The following AKAP6 variants were observed in gnomAD, a reference collection of about 807,000 sequenced individuals.
The protein encoded by AKAP6 is A-kinase anchor protein 6.
A neutral mutation model predicts 188.5 loss-of-function variants in AKAP6; 58 were observed. The observed-to-expected ratio is 0.31, with a 90% CI of 0.25 to 0.38. The LOEUF (loss-of-function observed/expected upper bound fraction) is 0.38. Among genes scored for constraint, AKAP6 ranks in the 10% least tolerant of loss-of-function variants. The pLI, the probability that AKAP6 is intolerant of heterozygous loss-of-function variation, is 1.00. For synonymous variants in AKAP6, 989 were observed against 998.6 expected, an observed-to-expected ratio of 0.99 and a Z score of 0.18; for missense variants, 2,710 against 2,740.0, an observed-to-expected ratio of 0.99 and a Z score of 0.24.
chr14:32,633,672 G>C (rs1330024765), intron 7 of AKAP6, among the ~76,000 whole-genome samples: 3 of 152,094 alleles, frequency 2.0e-5, no homozygotes, highest in African/African-American at 7.2e-5. Context: ...AATGAAGACA[G>C]ATAGAGAAAA....
chr14:32,367,528 A>G (rs1232781362), intron 1 of AKAP6, among the ~76,000 whole-genome samples: 2 of 152,226 alleles, frequency 1.3e-5, no homozygotes, highest in South Asian at 2.1e-4. Flanking sequence ...GTTATTATCA[A>G]AAGTTGACTA....
In AKAP6 at chr14:32,698,393, A is replaced by G. The variant is rs192583825; in HGVS notation, c.3000+2283A>G. ...ACCCCTGAAGGAGTAAAGCTTTTCA[A>G]TTGGTGCCCAGGCCTTGCCAGGTTT... On this transcript the variant is annotated intron_variant, in intron 9 of 13. Transcript: ENST00000280979. Among the ~76,000 whole-genome samples the G allele has an allele frequency of 1.7e-3, 259 of 152,264 alleles. 1 individual carries two copies. Among genetic ancestry groups the G allele is most frequent in the Non-Finnish European group, 2.8e-3 (193 of 67,992 alleles).
At position 32,830,670 on chromosome 14, in the gene AKAP6, A is replaced by G. The variant is rs993607626; in HGVS notation, c.*865A>G. The G allele has an allele frequency of 5.2e-5, 8 of 152,674 alleles. No individual in the cohort carries two copies. The highest frequency in any genetic ancestry group is 1.2e-4 in the Non-Finnish European group (8 of 68,036). 9.5% of individuals were successfully genotyped at this position (152,674 alleles called of 1,614,324 possible). A position where few individuals can be genotyped will look rare whatever the true frequency, so the allele number is the denominator to read the frequency against. ...TAATTTCTGTATATATGTATAACCAAGTACAAACATTGATGTATAATGACA... is the reference window on the plus strand; with the variant it reads ...TAATTTCTGTATATATGTATAACCAGGTACAAACATTGATGTATAATGACA... On this transcript the variant is annotated 3_prime_UTR_variant, in exon 14 of 14. Transcript: ENST00000280979.
intron 9 of AKAP6, among the ~76,000 whole-genome samples, chr14:32,712,711 ACT>A (rs2029956855): frequency 6.6e-6 from 1 of 151,786 alleles, no homozygotes; most frequent in Admixed American, 6.6e-5. Context: ...GATTGCAGCA[ACT>A]CTGTCACATC....
intron 2 of AKAP6, among the ~76,000 whole-genome samples, chr14:32,468,361 T>C (rs7159903): frequency 0.07 from 10,704 of 152,220 alleles, 409 homozygotes; most frequent in African/African-American, 0.089. Context: ...TGACTTGCTT[T>C]CTATATCTGT....
At chr14:32,665,436 A>T (rs1184080448) in intron 7 of AKAP6, among the ~76,000 whole-genome samples, 1 of 152,170 alleles carries the variant, frequency 6.6e-6, no homozygotes, top group African/African-American at 2.4e-5. Flanking sequence ...ATTGTAAAGG[A>T]TACAGATGAA....
At chr14:32,656,493 A>T (rs79986897) in intron 7 of AKAP6, among the ~76,000 whole-genome samples, 37 of 152,214 alleles carry the variant, frequency 2.4e-4, no homozygotes, top group African/African-American at 8.4e-4. Flanking sequence ...GCCAAAACTG[A>T]CTCACCTGGG....
chr14:32,648,868 CA>C (rs1254068279), intron 7 of AKAP6, among the ~76,000 whole-genome samples: 3 of 151,902 alleles, frequency 2.0e-5, no homozygotes, highest in Admixed American at 6.6e-5. Flanking sequence ...ACTGAAAAAG[CA>C]AATAACTAAA....
chr14:32,609,880 G>GACACACAC (rs71115085), intron 7 of AKAP6, among the ~76,000 whole-genome samples: 104 of 137,426 alleles, frequency 7.6e-4, no homozygotes, highest in Middle Eastern at 3.8e-3. Context: ...CTCTCTCTCT[G>GACACACAC]ACACACACAC....
intron 2 of AKAP6, among the ~76,000 whole-genome samples, chr14:32,517,580 C>T (rs539031832): frequency 7.9e-5 from 12 of 152,294 alleles, no homozygotes; most frequent in Admixed American, 3.9e-4. Flanking sequence ...CCTATGCCCA[C>T]GGAGCCTCGC....
At chr14:32,692,846 T>C (rs887253245) in intron 8 of AKAP6, among the ~76,000 whole-genome samples, 7 of 152,118 alleles carry the variant, frequency 4.6e-5, no homozygotes, top group Non-Finnish European at 1.0e-4. Flanking sequence ...GTCTTGCCAA[T>C]TGATCATTTT....
At chr14:32,672,456 C>T (rs1889248254) in intron 7 of AKAP6, among the ~76,000 whole-genome samples, 1 of 152,268 alleles carries the variant, frequency 6.6e-6, no homozygotes, top group South Asian at 2.1e-4. Context: ...AAGCCTCTCT[C>T]CTTGGCTCAC....
intron 5 of AKAP6, 59 bp downstream of exon 5, chr14:32,577,301 G>A (rs1003833422): frequency 1.3e-6 from 2 of 1,565,768 alleles, no homozygotes; most frequent in Non-Finnish European, 1.7e-6. Flanking sequence ...TGTACTGCTT[G>A]TTTGTTTATG....
At chr14:32,799,848 G>T (rs1037052296) in intron 12 of AKAP6, among the ~76,000 whole-genome samples, 13 of 151,852 alleles carry the variant, frequency 8.6e-5, no homozygotes, top group Non-Finnish European at 1.6e-4. Context: ...ATGCTGTTCA[G>T]TTCAACTATG....
intron 12 of AKAP6, among the ~76,000 whole-genome samples, chr14:32,815,617 G>A (rs1196906339): frequency 1.3e-5 from 2 of 152,128 alleles, no homozygotes; most frequent in African/African-American, 4.8e-5. Context: ...CCTAATCAAT[G>A]TTTCTTTCTT....
In AKAP6 at chr14:32,832,988, T is replaced by C. The variant is rs1594998956; in HGVS notation, c.*3183T>C. ...AGAATCTGAACATTTAAGTGCGAAGTTTTCTCTAGAAATATATTCAAGATA... is the reference window on the plus strand; with the variant it reads ...AGAATCTGAACATTTAAGTGCGAAGCTTTCTCTAGAAATATATTCAAGATA... On this transcript the variant is annotated 3_prime_UTR_variant, in exon 14 of 14. Transcript: ENST00000280979. 1 of 152,730 alleles carries C rather than the reference T, an allele frequency of 6.5e-6. No individual in the cohort carries two copies. Among genetic ancestry groups the C allele is most frequent in the Non-Finnish European group, 1.5e-5 (1 of 68,026 alleles). 9.5% of individuals were successfully genotyped at this position (152,730 alleles called of 1,614,324 possible).
chr14:32,705,010 A>G (rs1890755212), intron 9 of AKAP6, among the ~76,000 whole-genome samples: 1 of 152,192 alleles, frequency 6.6e-6, no homozygotes, highest in Non-Finnish European at 1.5e-5. Flanking sequence ...TTCAGAATAG[A>G]TGGTAAGGCG....
At chr14:32,662,595 A>AT (rs1462860615) in intron 7 of AKAP6, among the ~76,000 whole-genome samples, 3 of 152,080 alleles carry the variant, frequency 2.0e-5, no homozygotes, top group African/African-American at 7.2e-5. Context: ...CAGATTAAAC[A>AT]TTTTTGGCAT....
chr14:32,721,520 T>C (rs2030535722), intron 9 of AKAP6, among the ~76,000 whole-genome samples: 1 of 152,214 alleles, frequency 6.6e-6, no homozygotes, highest in Admixed American at 6.5e-5. Context: ...AAAGTTTCAT[T>C]CTGTACCTCA....
Sources: allele counts gnomAD v4.1 joint callset (sites outside exome capture counted in the v4.1 genomes callset), GRCh38; gene constraint gnomAD v4.1.1; transcripts MANE v1.5; gene names NCBI Gene and HGNC (gene_info 2026-07-23, HGNC 2026-07-21).